Variants in AVL9 observed in about 807,000 individuals in gnomAD.
The protein encoded by AVL9 is AVL9 cell migration associated.
Under a neutral mutation model 79.2 loss-of-function variants are expected in AVL9, and 49 were observed. That is an observed-to-expected ratio of 0.62 (90% CI 0.49 to 0.79). The LOEUF (loss-of-function observed/expected upper bound fraction) is 0.79, where lower values mean the gene tolerates loss of function less well. AVL9 is among the 30% of genes least tolerant of loss of function. The probability of loss-of-function intolerance (pLI) is 0.00; values close to 1 mark genes in which losing one functional copy is unlikely to be tolerated. For missense variants in AVL9, 682 were observed against 776.8 expected (o/e 0.88, Z 1.45); for synonymous variants, 299 against 280.6 (o/e 1.07, Z -0.65).
At chr7:32,551,825 C>G (rs6462377) in intron 5 of AVL9, among the ~76,000 whole-genome samples, 92,806 of 151,776 alleles carry the variant, frequency 0.61, 28,756 homozygotes, top group Admixed American at 0.71. Context: ...TGAAAATGGA[C>G]AGCATGTTTT....
chr7:32,569,950 C>T lies in AVL9; in HGVS notation c.1216-70C>T, dbSNP rs1206303417. On this transcript the variant is annotated intron_variant, in intron 10 of 15. Coordinates refer to ENST00000318709, the MANE Select transcript of AVL9 (RefSeq NM_015060.3). ...TGGAAGTTTCTTTTCCTACTGTTAG[C>T]TCACTAAGTTTAAAGAGAAAGGTAA... The T allele has an allele frequency of 2.7e-6, 4 of 1,499,956 alleles. No homozygotes were observed. The East Asian group carries it at 9.1e-5, about 34-fold the overall frequency. 92.9% of individuals were successfully genotyped at this position (1,499,956 alleles called of 1,614,324 possible).
At chr7:32,547,924 G>C (rs1450947424) in intron 3 of AVL9, among the ~76,000 whole-genome samples, 1 of 152,178 alleles carries the variant, frequency 6.6e-6, no homozygotes, top group Non-Finnish European at 1.5e-5. Flanking sequence ...TTCCCTCACA[G>C]CCTTGCCTGA....
rs1791081321 is a variant in AVL9 at position 32,575,991 on chromosome 7, T to G, written c.1607T>G (p.Phe536Cys). The G allele has an allele frequency of 1.9e-6, 3 of 1,613,912 alleles. No individual in the cohort carries two copies. Among genetic ancestry groups the G allele is most frequent in the African/African-American group, 1.3e-5 (1 of 74,936 alleles). ...EKILSDYGTT[F>C]VTAWKNTHNY... ...ATATTATCGGACTATGGGACAACTT[T>G]TGTTACAGCATGGAAGAATACTCAC... Residue 536 changes from phenylalanine to cysteine, a missense_variant, in exon 13 of 16, where the codon TTT becomes TGT. Phe to Cys is a radical substitution (Grantham distance 205). Transcript: ENST00000318709.
chr7:32,524,872 G>A (rs945283270), intron 1 of AVL9, among the ~76,000 whole-genome samples: 2 of 152,174 alleles, frequency 1.3e-5, no homozygotes, highest in Non-Finnish European at 2.9e-5. Flanking sequence ...GCTATGGAAT[G>A]TTAACTGAAG....
intron 1 of AVL9, among the ~76,000 whole-genome samples, chr7:32,523,223 T>C (rs1788245962): frequency 6.7e-6 from 1 of 150,240 alleles, no homozygotes. Flanking sequence ...TGATAGAAAT[T>C]TGGGGATGGT....
intron 10 of AVL9, among the ~76,000 whole-genome samples, chr7:32,569,148 G>T (rs1164442745): frequency 1.3e-5 from 2 of 152,148 alleles, no homozygotes; most frequent in Non-Finnish European, 2.9e-5. Flanking sequence ...ACATAATTCT[G>T]TGTTTTAAAA....
At chr7:32,515,804 G>A (rs1787880037) in intron 1 of AVL9, among the ~76,000 whole-genome samples, 1 of 151,998 alleles carries the variant, frequency 6.6e-6, no homozygotes, top group African/African-American at 2.4e-5. Flanking sequence ...AATTCTGCCT[G>A]ACTTAGTCAA....
At chr7:32,513,389 C>A (rs935412576) in intron 1 of AVL9, among the ~76,000 whole-genome samples, 2 of 152,218 alleles carry the variant, frequency 1.3e-5, no homozygotes, top group African/African-American at 4.8e-5. Flanking sequence ...ACAGTCTATT[C>A]TCTCTAAAGC....
chr7:32,531,995 A>G (rs1253442580), intron 1 of AVL9: 29 of 152,150 alleles, frequency 1.9e-4, no homozygotes, highest in Admixed American at 1.8e-3. Context: ...TTGTATCCAC[A>G]CTCGTGGCTC....
In AVL9 at chr7:32,560,334, A is replaced by T. The variant is rs1012497095; in HGVS notation, c.1215+870A>T. 7.2e-5 allele frequency among the ~76,000 whole-genome samples: 11 copies of T among 152,030 alleles called. 1 individual carries two copies. The highest frequency in any genetic ancestry group is 2.6e-4 in the African/African-American group (11 of 41,542). Reference sequence around the variant, plus strand: ...ATAAAGTGAAGTACAATTAATTATTAAATAATTTTTAATTTATTTAAATAT... The same window carrying T: ...ATAAAGTGAAGTACAATTAATTATTTAATAATTTTTAATTTATTTAAATAT... On this transcript the variant is annotated intron_variant, in intron 10 of 15. Coordinates refer to ENST00000318709, the MANE Select transcript of AVL9 (RefSeq NM_015060.3).
intron 1 of AVL9, chr7:32,533,481 AC>A (rs1788759396): frequency 6.6e-6 from 1 of 152,212 alleles, no homozygotes; most frequent in African/African-American, 2.4e-5. Flanking sequence ...CTTGACAAAT[AC>A]AGTGATTTGT....
intron 1 of AVL9, among the ~76,000 whole-genome samples, chr7:32,507,629 C>T (rs371156013): frequency 3.3e-5 from 5 of 152,210 alleles, no homozygotes; most frequent in African/African-American, 1.2e-4. Flanking sequence ...GGTGATAAAC[C>T]ACAATTTATT....
chr7:32,548,677 A>G (rs1789651769), intron 3 of AVL9, among the ~76,000 whole-genome samples, 170 bp from the exon 4 acceptor site: 1 of 152,220 alleles, frequency 6.6e-6, no homozygotes, highest in Non-Finnish European at 1.5e-5. Flanking sequence ...ACATAGGCCC[A>G]AACTGACATT....
chr7:32,572,770 C>T (rs1790912087), intron 11 of AVL9, among the ~76,000 whole-genome samples: 1 of 136,626 alleles, frequency 7.3e-6, no homozygotes, highest in Non-Finnish European at 1.5e-5. Flanking sequence ...CCATGGCACT[C>T]CAGCCTGGGC....
chr7:32,502,123 G>T (rs372352385), intron 1 of AVL9, among the ~76,000 whole-genome samples: 1 of 151,934 alleles, frequency 6.6e-6, no homozygotes, highest in Non-Finnish European at 1.5e-5. Flanking sequence ...CAGCACTTTG[G>T]GAGGCCAAGA....
intron 1 of AVL9, among the ~76,000 whole-genome samples, chr7:32,510,223 G>A (rs1244235726): frequency 2.0e-5 from 3 of 150,508 alleles, no homozygotes; most frequent in African/African-American, 7.3e-5. Context: ...CGTCAGGTCT[G>A]GCTGTGGGAG....
chr7:32,510,696 T>C (rs13230661), intron 1 of AVL9, among the ~76,000 whole-genome samples: 510 of 63,418 alleles, frequency 8.0e-3, no homozygotes, highest in Middle Eastern at 0.056. Context: ...TGTGGGAGTC[T>C]ACAGTCCTGG....
At chr7:32,575,924 G>T (rs775550128) in intron 12 of AVL9, 31 bp from the exon 13 acceptor site, 2 of 1,498,376 alleles carry the variant, frequency 1.3e-6, no homozygotes, top group East Asian at 4.5e-5. Context: ...CTACAGCCCA[G>T]CTCAACTTCT....
chr7:32,530,994 G>A (rs1788622454), intron 1 of AVL9, among the ~76,000 whole-genome samples: 1 of 152,036 alleles, frequency 6.6e-6, no homozygotes, highest in Non-Finnish European at 1.5e-5. Context: ...AGAAGTTGAG[G>A]ACTGCAGTCC....
Sources: allele counts gnomAD v4.1 joint callset (sites outside exome capture counted in the v4.1 genomes callset), GRCh38; gene constraint gnomAD v4.1.1; transcripts MANE v1.5; gene names NCBI Gene and HGNC (gene_info 2026-07-23, HGNC 2026-07-21).